PRRG4: variants seen among roughly 807,000 people sequenced by gnomAD.
The protein encoded by PRRG4 is transmembrane gamma-carboxyglutamic acid protein 4.
Under a neutral mutation model 20.0 loss-of-function variants are expected in PRRG4, and 12 were observed. The ratio of observed to expected loss-of-function variants is 0.60; its 90% CI spans 0.38 to 0.97. The LOEUF is 0.97. Ranked by LOEUF, PRRG4 falls within the 50% of genes least tolerant of loss-of-function variation. PRRG4 has a pLI of 0.00. For missense variants in PRRG4, 199 were observed against 265.1 expected (o/e 0.75, Z 1.73); for synonymous variants, 94 against 96.4 (o/e 0.98, Z 0.15).
chr11:32,835,272 C>A (rs1452356267), intron 2 of PRRG4, among the ~76,000 whole-genome samples: 1 of 152,248 alleles, frequency 6.6e-6, no homozygotes, highest in Non-Finnish European at 1.5e-5. Flanking sequence ...AAATGTACAA[C>A]TTGAGGTCAC....
chr11:32,845,854 A>T (rs11820154), intron 5 of PRRG4, among the ~76,000 whole-genome samples: 21,390 of 151,694 alleles, frequency 0.14, 1,617 homozygotes, highest in South Asian at 0.22. Flanking sequence ...AAGATTTTTT[A>T]AAAAAATAAT....
At chr11:32,850,059 A>G (rs531288263) in intron 5 of PRRG4, among the ~76,000 whole-genome samples, 1 of 152,334 alleles carries the variant, frequency 6.6e-6, no homozygotes, top group African/African-American at 2.4e-5. Flanking sequence ...TCCACAAGAT[A>G]ATGAAGAAAT....
intron 5 of PRRG4, among the ~76,000 whole-genome samples, chr11:32,846,132 T>A (rs1444048461): frequency 6.6e-6 from 1 of 152,104 alleles, no homozygotes; most frequent in Non-Finnish European, 1.5e-5. Flanking sequence ...CACTCCAGCC[T>A]GGACAATGGG....
intron 2 of PRRG4, among the ~76,000 whole-genome samples, chr11:32,834,052 C>T (rs983059712): frequency 3.3e-5 from 5 of 152,036 alleles, no homozygotes; most frequent in Non-Finnish European, 7.4e-5. Flanking sequence ...CAACAGAATA[C>T]GTGAGGGATA....
intron 3 of PRRG4, 92 bp downstream of exon 3, chr11:32,836,913 C>A: frequency 9.9e-7 from 1 of 1,011,478 alleles, no homozygotes; most frequent in Admixed American, 2.2e-5. Flanking sequence ...ATGCCTTAAA[C>A]ACAATCAGGA....
At chr11:32,845,669 AAT>A (rs1851123317) in intron 5 of PRRG4, among the ~76,000 whole-genome samples, 1 of 30,148 alleles carries the variant, frequency 3.3e-5, no homozygotes, top group Non-Finnish European at 5.2e-5. Flanking sequence ...AATGGCTAGG[AAT>A]GTCAAGTCAA....
intron 1 of PRRG4, 106 bp downstream of exon 1, chr11:32,830,279 GA>G: frequency 1.1e-6 from 1 of 931,832 alleles, no homozygotes; most frequent in Non-Finnish European, 1.4e-6. Context: ...TGCCCGCGGC[GA>G]CAGGTGCCCG....
intron 5 of PRRG4, among the ~76,000 whole-genome samples, chr11:32,852,934 G>A (rs1328507537): frequency 7.6e-5 from 10 of 130,846 alleles, no homozygotes; most frequent in Non-Finnish European, 1.1e-4. Context: ...CACCATGCCC[G>A]GCTAATTTTT....
intron 5 of PRRG4, 24 bp from the exon 6 acceptor site, chr11:32,853,272 C>A (rs1226801071): frequency 6.4e-7 from 1 of 1,566,620 alleles, no homozygotes; most frequent in Admixed American, 1.7e-5. Flanking sequence ...CTTTCCTAGA[C>A]CTAAATGTTG....
chr11:32,839,957 G>T, intron 4 of PRRG4, 150 bp from the exon 5 acceptor site: 1 of 403,396 alleles, frequency 2.5e-6, no homozygotes, highest in Non-Finnish European at 4.3e-6. Context: ...ATTTTTTTCA[G>T]GTAGATTCTC....
rs142494205 is a variant in PRRG4, at chr11:32,833,631, A to G, written c.103+2999A>G. 6.6e-5 allele frequency among the ~76,000 whole-genome samples: 10 copies of G among 152,354 alleles called. No homozygotes were observed. In the East Asian group the frequency reaches 1.7e-3, roughly 26 times the overall value. ...TACTTTAAACCTATGCCGAGCTGAG[A>G]AACACCAGACTATACCTATGAATTG... On this transcript the variant is annotated intron_variant, in intron 2 of 5. Coordinates refer to ENST00000257836, the MANE Select transcript of PRRG4 (RefSeq NM_024081.6).
intron 5 of PRRG4, among the ~76,000 whole-genome samples, chr11:32,852,757 C>T (rs1017508792): frequency 6.7e-6 from 1 of 149,490 alleles, no homozygotes; most frequent in Non-Finnish European, 1.5e-5. Flanking sequence ...TAGGAAATGA[C>T]AGGATCAGAT....
intron 2 of PRRG4, among the ~76,000 whole-genome samples, chr11:32,833,925 T>C (rs779946469): frequency 6.6e-6 from 1 of 151,964 alleles, no homozygotes; most frequent in Non-Finnish European, 1.5e-5. Flanking sequence ...CAAGGTAGCA[T>C]TGAACAAAAT....
intron 2 of PRRG4, among the ~76,000 whole-genome samples, chr11:32,832,484 T>TC (rs71034623): frequency 6.8e-6 from 1 of 147,566 alleles, no homozygotes. Context: ...AAATTCTTTT[T>TC]TTTTTTTTTT....
Position 32,854,078 on chromosome 11 carries a change from T to C in PRRG4, c.*551T>C, listed in dbSNP as rs112054545. 626 of 153,380 alleles carry C rather than the reference T, an allele frequency of 4.1e-3. 5 individuals carry two copies. The Middle Eastern group carries it at 0.058, about 14-fold the overall frequency. 9.5% of individuals were successfully genotyped at this position (153,380 alleles called of 1,614,324 possible). On this transcript the variant is annotated 3_prime_UTR_variant, in exon 6 of 6. Coordinates refer to ENST00000257836, the MANE Select transcript of PRRG4 (RefSeq NM_024081.6). The stretch of plus-strand genomic sequence containing the variant: ...TCAGCTTGATAAGAGACTTTTTGAC[T>C]CTATATCCTTGCAGTTAAGAAGAAA...
Position 32,836,838 on chromosome 11 carries a change from T to C in PRRG4, c.267+17T>C, listed in dbSNP as rs199511936. 10 of 1,600,040 alleles carry C rather than the reference T, an allele frequency of 6.2e-6. No homozygotes were observed. Among genetic ancestry groups the C allele is most frequent in the Middle Eastern group, 1.7e-4 (1 of 6,020 alleles). On this transcript the variant is annotated intron_variant, in intron 3 of 5. Coordinates refer to ENST00000257836, the MANE Select transcript of PRRG4 (RefSeq NM_024081.6). ...GATAAAACGGTAATGTGGTTGATTA[T>C]GTTAATTGGCTGGAAATGTTAAATT...
rs1243227423 is a variant in PRRG4 at position 32,856,122 on chromosome 11, T to G, written c.*2595T>G. 3 of 152,160 alleles carry G rather than the reference T, an allele frequency of 2.0e-5. No homozygotes were observed. The East Asian group carries it at 5.8e-4, about 29-fold the overall frequency. The allele number at this position is 152,160 out of a possible 1,614,324, so 9.4% of individuals were successfully genotyped here. A position where few individuals can be genotyped will look rare whatever the true frequency, so the allele number is the denominator to read the frequency against. ...TATTCTCATATACATATGAAAATAT[T>G]TATGATGAATAGAATTATAAGATAT... On this transcript the variant is annotated 3_prime_UTR_variant, in exon 6 of 6. Transcript: ENST00000257836.
chr11:32,849,536 C>T (rs1336452044), intron 5 of PRRG4, among the ~76,000 whole-genome samples: 4 of 151,040 alleles, frequency 2.6e-5, no homozygotes, highest in South Asian at 2.1e-4. Context: ...TGGTGGTGCG[C>T]GCCTGTAATC....
chr11:32,834,501 C>CT (rs1851002240), intron 2 of PRRG4, among the ~76,000 whole-genome samples: 3 of 152,152 alleles, frequency 2.0e-5, no homozygotes, highest in African/African-American at 7.2e-5. Context: ...CAAATAGCCC[C>CT]TATCTATTAT....
Sources: allele counts gnomAD v4.1 joint callset (sites outside exome capture counted in the v4.1 genomes callset), GRCh38; gene constraint gnomAD v4.1.1; transcripts MANE v1.5; gene names NCBI Gene and HGNC (gene_info 2026-07-23, HGNC 2026-07-21).